The following MLLT3 variants were observed in gnomAD, a reference collection of about 807,000 sequenced individuals.
MLLT3 encodes protein AF-9.
A neutral mutation model predicts 53.2 loss-of-function variants in MLLT3; 4 were observed. The ratio of observed to expected loss-of-function variants is 0.08; its 90% CI spans 0.04 to 0.17. The LOEUF (loss-of-function observed/expected upper bound fraction) is 0.17, where lower values mean the gene tolerates loss of function less well. Ranked by LOEUF, MLLT3 falls within the 10% of genes least tolerant of loss-of-function variation. The probability of loss-of-function intolerance (pLI) is 1.00; values close to 1 mark genes in which losing one functional copy is unlikely to be tolerated. For missense variants in MLLT3, 569 were observed against 684.0 expected (o/e 0.83, Z 1.87); for synonymous variants, 283 against 230.6 (o/e 1.23, Z -2.06).
At chr9:20,373,361 A>G (rs1395143816) in intron 5 of MLLT3, among the ~76,000 whole-genome samples, 2 of 152,164 alleles carry the variant, frequency 1.3e-5, no homozygotes, top group Non-Finnish European at 2.9e-5. Flanking sequence ...TTTGTAATGG[A>G]TTTTCTACAG....
At chr9:20,449,404 C>G (rs1823787303) in intron 3 of MLLT3, among the ~76,000 whole-genome samples, 1 of 152,146 alleles carries the variant, frequency 6.6e-6, no homozygotes, top group Non-Finnish European at 1.5e-5. Context: ...TACCCAGGTT[C>G]AACTCTCAAG....
rs10964568 is a variant in MLLT3 at position 20,477,694 on chromosome 9, T to G, written c.194-20908A>C. The stretch of plus-strand genomic sequence containing the variant: ...TCTATAAAATAAAGGCTAGAGCTAG[T>G]GACCTTTCTGGCTCTACAGTTCTCC... On this transcript the variant is annotated intron_variant, in intron 2 of 10. Coordinates refer to ENST00000380338, the MANE Select transcript of MLLT3 (RefSeq NM_004529.4). 2.6e-5 allele frequency among the ~76,000 whole-genome samples: 4 copies of G among 152,334 alleles called. No homozygotes were observed. In the East Asian group the frequency reaches 7.7e-4, roughly 29 times the overall value.
rs999228886 is a variant in MLLT3, at chr9:20,587,478, G to C, written c.193+33176C>G. ...AAGGACTCCCACCTCCAAGACAAGA[G>C]AGGGGCCCCCTACTCTTTCCACTTC... On this transcript the variant is annotated intron_variant, in intron 2 of 10. Coordinates refer to ENST00000380338, the MANE Select transcript of MLLT3 (RefSeq NM_004529.4). 4.6e-5 allele frequency among the ~76,000 whole-genome samples: 7 copies of C among 151,926 alleles called. No individual in the cohort carries two copies. In the East Asian group the frequency reaches 9.6e-4, roughly 21 times the overall value.
At chr9:20,587,275 T>A (rs1819996200) in intron 2 of MLLT3, among the ~76,000 whole-genome samples, 1 of 150,002 alleles carries the variant, frequency 6.7e-6, no homozygotes, top group African/African-American at 2.5e-5. Flanking sequence ...CAGATAAAAA[T>A]GACATATCAT....
chr9:20,358,341 T>C (rs1818982734), intron 8 of MLLT3, among the ~76,000 whole-genome samples: 1 of 152,200 alleles, frequency 6.6e-6, no homozygotes, highest in Admixed American at 6.5e-5. Flanking sequence ...GCATACGGAC[T>C]TTCTTACCAT....
At chr9:20,508,679 A>G (rs1825445100) in intron 2 of MLLT3, among the ~76,000 whole-genome samples, 1 of 152,230 alleles carries the variant, frequency 6.6e-6, no homozygotes. Flanking sequence ...AACAGAACAA[A>G]AAGTAATAAA....
chr9:20,357,262 G>A (rs1355841504), intron 8 of MLLT3, among the ~76,000 whole-genome samples: 1 of 152,040 alleles, frequency 6.6e-6, no homozygotes, highest in African/African-American at 2.4e-5. Context: ...CTCCCTCCCT[G>A]CCAAGCTTCT....
intron 5 of MLLT3, among the ~76,000 whole-genome samples, chr9:20,366,105 TG>T (rs1821444088): frequency 6.6e-6 from 1 of 152,214 alleles, no homozygotes; most frequent in African/African-American, 2.4e-5. Context: ...AACATGCAGG[TG>T]TGTTACATAG....
chr9:20,605,142 T>C (rs1252619080), intron 2 of MLLT3, among the ~76,000 whole-genome samples: 2 of 152,210 alleles, frequency 1.3e-5, no homozygotes, highest in East Asian at 1.9e-4. Context: ...TACCATTTTA[T>C]AGAAGACCTA....
At chr9:20,420,290 C>T (rs1426455267) in intron 4 of MLLT3, among the ~76,000 whole-genome samples, 1 of 152,236 alleles carries the variant, frequency 6.6e-6, no homozygotes, top group East Asian at 1.9e-4. Flanking sequence ...GAACTGAATT[C>T]TCCCTCTGGA....
At chr9:20,608,275 G>T (rs1388160519) in intron 2 of MLLT3, among the ~76,000 whole-genome samples, 3 of 151,808 alleles carry the variant, frequency 2.0e-5, no homozygotes, top group African/African-American at 7.2e-5. Flanking sequence ...TTTATTTGTA[G>T]TTGATTTTTA....
intron 2 of MLLT3, among the ~76,000 whole-genome samples, chr9:20,523,996 C>T (rs1043882741): frequency 6.6e-6 from 1 of 150,572 alleles, no homozygotes; most frequent in Non-Finnish European, 1.5e-5. Flanking sequence ...CACAGACACA[C>T]ACAGAGAGAT....
chr9:20,496,845 C>T (rs932369896), intron 2 of MLLT3, among the ~76,000 whole-genome samples: 2 of 152,142 alleles, frequency 1.3e-5, no homozygotes, highest in African/African-American at 4.8e-5. Context: ...GCTTTAGGCC[C>T]AACATACCTA....
chr9:20,450,373 A>AATCAG (rs1489100045), intron 3 of MLLT3, among the ~76,000 whole-genome samples: 1 of 152,144 alleles, frequency 6.6e-6, no homozygotes, highest in African/African-American at 2.4e-5. Flanking sequence ...CTAACACAAA[A>AATCAG]ATCAGATTAC....
intron 4 of MLLT3, among the ~76,000 whole-genome samples, chr9:20,422,137 A>C (rs1401976398): frequency 6.6e-6 from 1 of 152,170 alleles, no homozygotes; most frequent in Non-Finnish European, 1.5e-5. Context: ...GAGAAATGGC[A>C]CTTGAGAAGC....
intron 8 of MLLT3, among the ~76,000 whole-genome samples, chr9:20,358,072 T>A (rs1380181023): frequency 6.6e-6 from 1 of 152,040 alleles, no homozygotes; most frequent in Non-Finnish European, 1.5e-5. Context: ...TTTAGATTTT[T>A]AAGAAATTTT....
At chr9:20,389,061 T>G (rs1319841090) in intron 5 of MLLT3, among the ~76,000 whole-genome samples, 6 of 152,228 alleles carry the variant, frequency 3.9e-5, no homozygotes, top group Non-Finnish European at 4.4e-5. Context: ...AAACCTGTTT[T>G]CAGCCATTCA....
chr9:20,467,423 C>A (rs1464949892), intron 2 of MLLT3, among the ~76,000 whole-genome samples: 1 of 151,994 alleles, frequency 6.6e-6, no homozygotes, highest in Non-Finnish European at 1.5e-5. Flanking sequence ...ACTAAAAATA[C>A]AAAAATTAGC....
At chr9:20,462,487 T>C (rs1283073289) in intron 2 of MLLT3, among the ~76,000 whole-genome samples, 3 of 152,010 alleles carry the variant, frequency 2.0e-5, no homozygotes, top group Non-Finnish European at 4.4e-5. Context: ...CTAATTAACG[T>C]TCATAAAGTT....
Sources: allele counts gnomAD v4.1 joint callset (sites outside exome capture counted in the v4.1 genomes callset), GRCh38; gene constraint gnomAD v4.1.1; transcripts MANE v1.5; gene names NCBI Gene and HGNC (gene_info 2026-07-23, HGNC 2026-07-21).